Variants in HIF1A observed in about 807,000 individuals in gnomAD.
HIF1A encodes hypoxia inducible factor 1 subunit alpha, also known as hypoxia-inducible factor 1-alpha.
Under a neutral mutation model 92.7 loss-of-function variants are expected in HIF1A, and 24 were observed. That is an observed-to-expected ratio of 0.26 (90% CI 0.19 to 0.36). HIF1A has a LOEUF of 0.36. Ranked by LOEUF, HIF1A falls within the 10% of genes least tolerant of loss-of-function variation. HIF1A has a pLI of 1.00. For missense variants in HIF1A, 799 were observed against 998.5 expected, an observed-to-expected ratio of 0.80 and a Z score of 2.69; for synonymous variants, 319 against 338.7, an observed-to-expected ratio of 0.94 and a Z score of 0.64.
chr14:61,746,386 T>G (rs1426997507), intron 14 of HIF1A, among the ~76,000 whole-genome samples: 3 of 107,682 alleles, frequency 2.8e-5, no homozygotes, highest in Non-Finnish European at 5.9e-5. Context: ...TGAACTTTTA[T>G]GACTTCTTTT....
chr14:61,735,615 C>T (rs1299707810), intron 8 of HIF1A, among the ~76,000 whole-genome samples: 3 of 152,204 alleles, frequency 2.0e-5, no homozygotes, highest in Non-Finnish European at 4.4e-5. Context: ...TTAATCTTTG[C>T]ATTATCAGTT....
chr14:61,741,237 T>G (rs2044707529), intron 12 of HIF1A, 49 bp downstream of exon 12: 1 of 1,290,740 alleles, frequency 7.7e-7, no homozygotes, highest in Non-Finnish European at 1.1e-6. Context: ...ATTTTTGAGA[T>G]AAATGTATGT....
intron 1 of HIF1A, chr14:61,697,657 C>G: frequency 2.0e-5 from 23 of 1,171,238 alleles, no homozygotes; most frequent in Non-Finnish European, 2.3e-5. Flanking sequence ...TGGATGGATT[C>G]ATATTTCTTA....
intron 8 of HIF1A, among the ~76,000 whole-genome samples, chr14:61,735,985 C>G (rs945887658): frequency 3.8e-5 from 1 of 26,522 alleles, no homozygotes; most frequent in South Asian, 3.2e-3. Context: ...ATCTGAAATT[C>G]TTTTTTTCTT....
At chr14:61,701,562 G>A (rs2044176592) in intron 1 of HIF1A, among the ~76,000 whole-genome samples, 1 of 152,112 alleles carries the variant, frequency 6.6e-6, no homozygotes, top group African/African-American at 2.4e-5. Flanking sequence ...TGAGGGTTGG[G>A]ATACGTTTCT....
At chr14:61,727,366 C>T in intron 5 of HIF1A, 87 bp from the exon 6 acceptor site, 1 of 916,972 alleles carries the variant, frequency 1.1e-6, no homozygotes, top group Non-Finnish European at 1.8e-6. Flanking sequence ...AGCTTACTGG[C>T]CATGTCAGAC....
chr14:61,724,326 T>A (rs1438150683), intron 4 of HIF1A, among the ~76,000 whole-genome samples: 1 of 89,970 alleles, frequency 1.1e-5, no homozygotes, highest in African/African-American at 3.2e-5. Flanking sequence ...CATCAACACC[T>A]ACACACACAC....
chr14:61,716,279 A>C (rs963934107), intron 1 of HIF1A, among the ~76,000 whole-genome samples: 1 of 152,202 alleles, frequency 6.6e-6, no homozygotes, highest in Admixed American at 6.5e-5. Flanking sequence ...TGTGTATTTT[A>C]AAAAATTTCA....
Position 61,741,089 on chromosome 14 carries a change from G to A in HIF1A, c.1994G>A (p.Arg665Gln), listed in dbSNP as rs1246855328. 6.8e-6 allele frequency: 11 copies of A among 1,613,706 alleles called. No homozygotes were observed. Among genetic ancestry groups the A allele is most frequent in the East Asian group, 2.2e-5 (1 of 44,888 alleles). The change falls in exon 12 of 15, where the codon CGG becomes CAG. Residue 665 changes from arginine (R) to glutamine (Q), a missense_variant. Arg to Gln is a conservative substitution (Grantham distance 43, BLOSUM62 1). Around this residue, in one of 2 missense-constraint regions of HIF1A, gnomAD observed 283 missense variants for 277.5 expected, o/e 1.02. Transcript: ENST00000337138. The stretch of plus-strand genomic sequence containing the variant: ...TCACCATATAGAGATACTCAAAGTC[G>A]GACAGCCTCACCAAACAGAGCAGGA... Reference protein sequence around the residue: ...TSSPYRDTQSRTASPNRAGKG... With the variant: ...TSSPYRDTQSQTASPNRAGKG...
intron 7 of HIF1A, 94 bp downstream of exon 7, chr14:61,732,618 G>C (rs2044590118): frequency 2.7e-6 from 2 of 735,304 alleles, no homozygotes; most frequent in Admixed American, 4.2e-5. Context: ...CTGGTTAAAA[G>C]TTCTAGACTA....
intron 1 of HIF1A, among the ~76,000 whole-genome samples, chr14:61,717,173 A>AC (rs1187442049): frequency 6.6e-6 from 1 of 152,130 alleles, no homozygotes; most frequent in African/African-American, 2.4e-5. Context: ...TGGGACCTAG[A>AC]CCCCCTGGTC....
At chr14:61,739,426 G>A (rs1181729490) in intron 10 of HIF1A, among the ~76,000 whole-genome samples, 1 of 152,056 alleles carries the variant, frequency 6.6e-6, no homozygotes, top group Non-Finnish European at 1.5e-5. Flanking sequence ...ATTATAACTT[G>A]ATAAATGAGG....
chr14:61,727,450 C>T lies in HIF1A; in HGVS notation c.571-3C>T, dbSNP rs1025958345. On this transcript the variant is annotated splice_region_variant and splice_polypyrimidine_tract_variant and intron_variant, in intron 5 of 14. Transcript: ENST00000337138. ...TTTTAACTGCTTTGTTCTTCATACA[C>T]AGGTATTGCACTGCACAGGCCACAT... 1 of 1,605,196 alleles carries T rather than the reference C, an allele frequency of 6.2e-7. No individual in the cohort carries two copies. Among genetic ancestry groups the T allele is most frequent in the African/African-American group, 1.3e-5 (1 of 74,712 alleles).
intron 1 of HIF1A, among the ~76,000 whole-genome samples, chr14:61,705,903 TAGA>T (rs979067869): frequency 2.0e-5 from 3 of 152,204 alleles, no homozygotes; most frequent in Non-Finnish European, 4.4e-5. Flanking sequence ...AAATATTTAA[TAGA>T]AGAAGTCTTT....
Position 61,740,980 on chromosome 14 carries a change from A to G in HIF1A, c.1885A>G (p.Lys629Glu). 2 of 1,614,168 alleles carry G rather than the reference A, an allele frequency of 1.2e-6. No individual in the cohort carries two copies. Among genetic ancestry groups the G allele is most frequent in the South Asian group, 1.1e-5 (1 of 91,088 alleles). Residue 629 changes from lysine (K) to glutamate (E), a missense_variant, in exon 12 of 15, where the codon AAA (lysine) becomes GAA (glutamate). Physicochemically the swap from Lys to Glu is moderately conservative, Grantham distance 56 (BLOSUM62 1). Around this residue, in one of 2 missense-constraint regions of HIF1A, gnomAD observed 283 missense variants for 277.5 expected, o/e 1.02. Transcript: ENST00000337138. ...ATTDELKTVT[K>E]DRMEDIKILI... ...CACTGATGAATTAAAAACAGTGACA[A>G]AAGACCGTATGGAAGACATTAAAAT...
At chr14:61,700,495 A>G (rs2044165719) in intron 1 of HIF1A, among the ~76,000 whole-genome samples, 1 of 151,986 alleles carries the variant, frequency 6.6e-6, no homozygotes, top group Non-Finnish European at 1.5e-5. Context: ...TTCCTTTTTG[A>G]GTCTGAGCAA....
At chr14:61,705,422 A>C (rs1295004678) in intron 1 of HIF1A, among the ~76,000 whole-genome samples, 1 of 130,810 alleles carries the variant, frequency 7.6e-6, no homozygotes, top group African/African-American at 2.5e-5. Flanking sequence ...TAACTCTATT[A>C]AACAAAGCAC....
chr14:61,743,559 TC>T lies in HIF1A; in HGVS notation c.2094-1143del, dbSNP rs201582260. ...ATATCTGTATAAGAATTTTTAAACT[TC>T]CCTGTCTATATAATAGAAGTTTTAG... is the stretch of plus-strand genomic sequence containing the variant. On this transcript the variant is annotated intron_variant, in intron 12 of 14. Coordinates refer to ENST00000337138, the MANE Select transcript of HIF1A (RefSeq NM_001530.4). Among the ~76,000 whole-genome samples, 1,361 of 152,316 alleles carry T rather than the reference TC, an allele frequency of 8.9e-3. 15 individuals carry two copies. The highest frequency in any genetic ancestry group is 0.03 in the African/African-American group (1,260 of 41,544).
intron 12 of HIF1A, among the ~76,000 whole-genome samples, chr14:61,743,312 C>G (rs2044736952): frequency 6.6e-6 from 1 of 152,076 alleles, no homozygotes; most frequent in Non-Finnish European, 1.5e-5. Context: ...CTCAGGTGAT[C>G]CACCTGCCTC....
Sources: allele counts gnomAD v4.1 joint callset (sites outside exome capture counted in the v4.1 genomes callset), GRCh38; gene constraint gnomAD v4.1.1; regional missense constraint gnomAD v4.1.1; transcripts MANE v1.5; gene names NCBI Gene and HGNC (gene_info 2026-07-23, HGNC 2026-07-21).